Variants in HOMER1 observed in about 807,000 individuals in gnomAD.
HOMER1 encodes the protein homer scaffold protein 1.
A neutral mutation model predicts 48.9 loss-of-function variants in HOMER1; 3 were observed. The ratio of observed to expected loss-of-function variants is 0.06; its 90% CI spans 0.03 to 0.16. HOMER1 has a LOEUF of 0.16. HOMER1 is among the 10% of genes least tolerant of loss of function. HOMER1 has a pLI of 1.00. For missense variants in HOMER1, 247 were observed against 411.4 expected, an observed-to-expected ratio of 0.60 and a Z score of 3.46; for synonymous variants, 134 against 146.4, an observed-to-expected ratio of 0.92 and a Z score of 0.61.
At position 79,457,033 on chromosome 5, in the gene HOMER1, A is replaced by G. The variant is rs370792517; in HGVS notation, c.6-15T>C. 2.5e-6 allele frequency: 4 copies of G among 1,613,450 alleles called. 1 individual carries two copies. The highest frequency in any genetic ancestry group is 2.7e-5 in the African/African-American group (2 of 74,920). On this transcript the variant is annotated splice_polypyrimidine_tract_variant and intron_variant, in intron 1 of 8. Coordinates refer to ENST00000334082, the MANE Select transcript of HOMER1 (RefSeq NM_004272.5). ...TAGGTTGTTCCCTGCAGGGCAGAAA[A>G]GAAAATGATGGACTGAAAGCAGCCA...
chr5:79,419,273 C>T (rs1203384109), intron 5 of HOMER1, among the ~76,000 whole-genome samples: 1 of 152,144 alleles, frequency 6.6e-6, no homozygotes, highest in Non-Finnish European at 1.5e-5. Context: ...GGAACTACTT[C>T]AGGCCTTACT....
chr5:79,510,854 A>G (rs1752923090), intron 1 of HOMER1: 2 of 710,760 alleles, frequency 2.8e-6, no homozygotes, highest in Admixed American at 3.9e-5. Flanking sequence ...GTTCCAGCTC[A>G]GGCTCCCAAA....
At chr5:79,503,461 C>T (rs927567096) in intron 1 of HOMER1, among the ~76,000 whole-genome samples, 1 of 145,062 alleles carries the variant, frequency 6.9e-6, no homozygotes, top group Non-Finnish European at 1.5e-5. Flanking sequence ...ACCCAGGAGG[C>T]GAGATTGCAG....
chr5:79,383,277 AC>A (rs966914198), intron 8 of HOMER1, among the ~76,000 whole-genome samples: 6 of 152,028 alleles, frequency 3.9e-5, no homozygotes, highest in Non-Finnish European at 7.4e-5. Flanking sequence ...GTACTTCAAC[AC>A]CCCACTCTCA....
At chr5:79,377,928 T>C (rs1748816984) in intron 8 of HOMER1, among the ~76,000 whole-genome samples, 1 of 151,988 alleles carries the variant, frequency 6.6e-6, no homozygotes, top group Admixed American at 6.6e-5. Context: ...AATGTAAAAA[T>C]TAAACTTTCA....
intron 1 of HOMER1, among the ~76,000 whole-genome samples, chr5:79,458,538 G>T (rs1046412774): frequency 3.9e-5 from 6 of 152,010 alleles, no homozygotes; most frequent in African/African-American, 1.4e-4. Flanking sequence ...GGCTCTTAAG[G>T]TTAATAAAAG....
intron 1 of HOMER1, among the ~76,000 whole-genome samples, chr5:79,500,979 C>T: frequency 6.8e-6 from 1 of 147,610 alleles, no homozygotes; most frequent in African/African-American, 2.6e-5. Context: ...CACACACACA[C>T]ACACACACAC....
At chr5:79,447,622 A>G (rs1322497684) in intron 3 of HOMER1, among the ~76,000 whole-genome samples, 1 of 152,220 alleles carries the variant, frequency 6.6e-6, no homozygotes, top group Admixed American at 6.5e-5. Flanking sequence ...TAATACAAAT[A>G]GTAATATTTA....
At chr5:79,432,906 A>G (rs1750463664) in intron 5 of HOMER1, among the ~76,000 whole-genome samples, 1 of 152,220 alleles carries the variant, frequency 6.6e-6, no homozygotes, top group South Asian at 2.1e-4. Flanking sequence ...CCTTGCCTTC[A>G]AATTAATCTA....
intron 6 of HOMER1, among the ~76,000 whole-genome samples, chr5:79,400,508 C>T (rs1749507485): frequency 6.6e-6 from 1 of 151,590 alleles, no homozygotes; most frequent in Non-Finnish European, 1.5e-5. Flanking sequence ...AGGGACATGC[C>T]ATCACACCCA....
At chr5:79,452,904 C>T (rs368868171) in intron 2 of HOMER1, among the ~76,000 whole-genome samples, 4 of 152,272 alleles carry the variant, frequency 2.6e-5, no homozygotes, top group African/African-American at 9.6e-5. Context: ...ACTGCTCTAA[C>T]TTGAATGGCA....
At chr5:79,445,342 A>G (rs1750846354) in intron 4 of HOMER1, among the ~76,000 whole-genome samples, 1 of 152,228 alleles carries the variant, frequency 6.6e-6, no homozygotes, top group African/African-American at 2.4e-5. Flanking sequence ...GTAGGATACA[A>G]TTAAAATAAA....
chr5:79,441,512 T>C (rs1750736152), intron 4 of HOMER1, among the ~76,000 whole-genome samples: 1 of 152,066 alleles, frequency 6.6e-6, no homozygotes, highest in Admixed American at 6.5e-5. Context: ...TTCCAACATC[T>C]CAAAGCAGCA....
chr5:79,485,902 T>TC (rs1752086594), intron 1 of HOMER1, among the ~76,000 whole-genome samples: 1 of 152,180 alleles, frequency 6.6e-6, no homozygotes, highest in Non-Finnish European at 1.5e-5. Context: ...CCATGTGCTC[T>TC]CTCCCCTTAA....
rs1445694339 is a variant in HOMER1 at position 79,512,929 on chromosome 5, G to A, written c.-155C>T. 1.5e-6 allele frequency: 1 copy of A among 658,940 alleles called. No homozygotes were observed. Among genetic ancestry groups the A allele is most frequent in the African/African-American group, 1.8e-5 (1 of 54,604 alleles). 40.8% of individuals were successfully genotyped at this position (658,940 alleles called of 1,614,324 possible). A position where few individuals can be genotyped will look rare whatever the true frequency, so the allele number is the denominator to read the frequency against. On this transcript the variant is annotated 5_prime_UTR_variant, in exon 1 of 9. Coordinates refer to ENST00000334082, the MANE Select transcript of HOMER1 (RefSeq NM_004272.5). ...TTCAAGGATGCTGCCAATTCAATTA[G>A]TTCTCTTAGGTAAAATGATTTCTCT...
chr5:79,449,189 CAAGTT>C (rs1431558779), intron 3 of HOMER1, among the ~76,000 whole-genome samples: 3 of 151,858 alleles, frequency 2.0e-5, no homozygotes, highest in Non-Finnish European at 4.4e-5. Context: ...CTTGTATTGT[CAAGTT>C]AAGAAATTCA....
chr5:79,456,179 C>T (rs1172553359), intron 2 of HOMER1, among the ~76,000 whole-genome samples: 2 of 150,158 alleles, frequency 1.3e-5, no homozygotes, highest in Non-Finnish European at 3.0e-5. Context: ...CCCCAACCAA[C>T]TCTTCTGAAG....
At position 79,397,519 on chromosome 5, in the gene HOMER1, G is replaced by C; in HGVS notation, c.795+8C>G. ...CTAGATTACAGATGAGTAAAAAGCA[G>C]CAAATACCTCTTCCTTCAGTTTCAG... On this transcript the variant is annotated splice_region_variant and intron_variant, in intron 7 of 8. Transcript: ENST00000334082. 6.8e-7 allele frequency: 1 copy of C among 1,476,858 alleles called. No individual in the cohort carries two copies. Among genetic ancestry groups the C allele is most frequent in the Non-Finnish European group, 9.4e-7 (1 of 1,058,684 alleles). The allele number at this position is 1,476,858 out of a possible 1,614,324, so 91.5% of individuals were successfully genotyped here.
Position 79,513,030 on chromosome 5 carries a change from G to C in HOMER1, c.-256C>G, listed in dbSNP as rs1039086135. The stretch of plus-strand genomic sequence containing the variant: ...TAAAATGCTTTGCGGAGGAGACAGC[G>C]ATCAACTCTATTCCACAAAATGAGT... On this transcript the variant is annotated 5_prime_UTR_variant, in exon 1 of 9. The change creates a new upstream start codon in the 5' untranslated region. Coordinates refer to ENST00000334082, the MANE Select transcript of HOMER1 (RefSeq NM_004272.5). 5 of 560,934 alleles carry C rather than the reference G, an allele frequency of 8.9e-6. No homozygotes were observed. The highest frequency in any genetic ancestry group is 1.3e-5 in the Non-Finnish European group (4 of 315,542). 34.7% of individuals were successfully genotyped at this position (560,934 alleles called of 1,614,324 possible).
Sources: gnomAD v4.1 joint callset for allele counts (sites outside exome capture counted in the v4.1 genomes callset) on GRCh38, gnomAD v4.1.1 for gene constraint, MANE v1.5 for transcripts, NCBI Gene and HGNC (gene_info 2026-07-23, HGNC 2026-07-21) for gene names.